Variants in MYO1C observed in about 807,000 individuals in gnomAD.
MYO1C encodes myosin IC.
A neutral mutation model predicts 150.8 loss-of-function variants in MYO1C; 104 were observed. The observed-to-expected ratio is 0.69, with a 90% CI of 0.59 to 0.81. MYO1C has a LOEUF of 0.81. Ranked by LOEUF, MYO1C falls within the 30% of genes least tolerant of loss-of-function variation. MYO1C has a pLI of 0.00. For synonymous variants in MYO1C, 663 were observed against 579.9 expected (o/e 1.14, Z -2.06); for missense variants, 1,504 against 1,435.0 (o/e 1.05, Z -0.78).
intron 3 of MYO1C, 140 bp downstream of exon 3, chr17:1,483,470 A>G: frequency 1.5e-6 from 1 of 669,654 alleles, no homozygotes; most frequent in Non-Finnish European, 2.6e-6. Context: ...ATCTCTGGTC[A>G]CTGGGGGGCA....
At chr17:1,481,089 GACCTGGCTGCTCC>G in intron 5 of MYO1C, 3 of 597,904 alleles carry the variant, frequency 5.0e-6, no homozygotes, top group Non-Finnish European at 8.9e-6. Flanking sequence ...CAACTCCAAC[GACCTGGCTGCTCC>G]ACCTGGATGC....
chr17:1,474,393 A>C (rs1031864229), intron 17 of MYO1C, among the ~76,000 whole-genome samples: 2 of 145,246 alleles, frequency 1.4e-5, no homozygotes, highest in East Asian at 2.0e-4. Flanking sequence ...GCGCCACTGC[A>C]CTCCAGCCTG....
At chr17:1,491,478 G>C in intron 1 of MYO1C, 1 of 310,964 alleles carries the variant, frequency 3.2e-6, no homozygotes, top group Non-Finnish European at 4.6e-6. Context: ...CCACGCGGCC[G>C]TTCTTCGGCC....
In MYO1C at chr17:1,478,121, G is replaced by A. The variant is rs763269405; in HGVS notation, c.1367C>T (p.Ser456Leu). Reference protein sequence around the residue: ...QQLFIELTLKSEQEEYEAEGI... With the variant: ...QQLFIELTLKLEQEEYEAEGI... ...CTCTGCCTCGTACTCCTCCTGCTCC[G>A]ACTTGAGCGTGAGCTCGATGAAGAG... Residue 456 changes from serine (S) to leucine (L), a missense_variant, in exon 12 of 32, where the codon TCG becomes TTG. Coordinates refer to ENST00000648651, the MANE Select transcript of MYO1C (RefSeq NM_001080779.2). The surrounding 1 kb of genome is among the most constrained non-coding windows in gnomAD (Gnocchi z 6.3). The A allele has an allele frequency of 1.7e-5, 28 of 1,614,080 alleles. No individual in the cohort carries two copies. The highest frequency in any genetic ancestry group is 6.7e-5 in the Admixed American group (4 of 60,034).
chr17:1,479,796 T>C lies in MYO1C; in HGVS notation c.907-91A>G. The C allele has an allele frequency of 1.1e-6, 1 of 876,066 alleles. No individual in the cohort carries two copies. Among genetic ancestry groups the C allele is most frequent in the African/African-American group, 1.7e-5 (1 of 60,268 alleles). The allele number at this position is 876,066 out of a possible 1,614,324, so 54.3% of individuals were successfully genotyped here. ...CAGATGGCCATGCAGGGGTGGGTGG[T>C]GAAGTGTCGGAGAGAAGGGGCTGGA... is the stretch of plus-strand genomic sequence containing the variant. On this transcript the variant is annotated intron_variant, in intron 7 of 31. Coordinates refer to ENST00000648651, the MANE Select transcript of MYO1C (RefSeq NM_001080779.2). The surrounding 1 kb of genome is among the most constrained non-coding windows in gnomAD (Gnocchi z 4.2).
At chr17:1,485,713 C>G (rs538122391) in intron 1 of MYO1C, 1 of 1,181,734 alleles carries the variant, frequency 8.5e-7, no homozygotes, top group African/African-American at 1.6e-5. Context: ...GTAGCGCATC[C>G]TGCCCGGCCG....
intron 17 of MYO1C, among the ~76,000 whole-genome samples, chr17:1,473,854 C>G (rs1259083671): frequency 3.3e-5 from 5 of 152,158 alleles, no homozygotes. Flanking sequence ...CCCCTCACCC[C>G]TTCCGCCCCG....
chr17:1,465,572 CT>C lies in MYO1C; in HGVS notation c.*153del, dbSNP rs1465812004. 1.2e-6 allele frequency: 1 copy of C among 855,222 alleles called. No individual in the cohort carries two copies. The highest frequency in any genetic ancestry group is 1.7e-5 in the African/African-American group (1 of 57,422). The allele number at this position is 855,222 out of a possible 1,614,324, so 53.0% of individuals were successfully genotyped here. ...GGTAGCTCCTGGCCCCTGCTGCTCC[CT>C]CAAGAGAGGGATGGGCAGGAGGTGG... On this transcript the variant is annotated 3_prime_UTR_variant, in exon 32 of 32. Coordinates refer to ENST00000648651, the MANE Select transcript of MYO1C (RefSeq NM_001080779.2).
chr17:1,483,670 T>C lies in MYO1C; in HGVS notation c.287A>G (p.Tyr96Cys), dbSNP rs1297902926. ...GTAACGCTCCATATGCTGCCGGCTG[T>C]AGATCTGCAGGTCCCGGTAGGGATT... ...SVNPYRDLQI[Y>C]SRQHMERYRG... The change falls in exon 3 of 32, where the codon TAC becomes TGC. Residue 96 changes from tyrosine to cysteine, a missense_variant. Tyr to Cys is a radical substitution (Grantham distance 194). Transcript: ENST00000648651. 6.2e-7 allele frequency: 1 copy of C among 1,613,294 alleles called. No individual in the cohort carries two copies. Among genetic ancestry groups the C allele is most frequent in the East Asian group, 2.2e-5 (1 of 44,858 alleles).
intron 14 of MYO1C, among the ~76,000 whole-genome samples, chr17:1,475,491 G>T (rs1038078520): frequency 7.2e-5 from 11 of 152,208 alleles, no homozygotes; most frequent in Non-Finnish European, 1.6e-4. Context: ...GCTCAGAGAG[G>T]TAGATGGCCT....
intron 19 of MYO1C, 137 bp from the exon 20 acceptor site, chr17:1,471,473 C>T (rs983839087): frequency 9.5e-6 from 7 of 733,858 alleles, no homozygotes; most frequent in African/African-American, 1.7e-5. Flanking sequence ...CGGTCACTGC[C>T]CCCATTTTAA....
intron 1 of MYO1C, among the ~76,000 whole-genome samples, 161 bp downstream of exon 1, chr17:1,492,252 C>T (rs1207745834): frequency 6.6e-6 from 1 of 152,256 alleles, no homozygotes; most frequent in Non-Finnish European, 1.5e-5. Flanking sequence ...TGCATCCTTA[C>T]TCTTCCACTC....
intron 1 of MYO1C, among the ~76,000 whole-genome samples, chr17:1,489,276 C>T (rs991815122): frequency 2.6e-5 from 4 of 152,250 alleles, no homozygotes; most frequent in African/African-American, 9.6e-5. Context: ...CTTAGGGTCT[C>T]TACCCTGATT....
chr17:1,467,047 C>T (rs1369081766), intron 31 of MYO1C, among the ~76,000 whole-genome samples, 195 bp downstream of exon 31: 3 of 152,224 alleles, frequency 2.0e-5, no homozygotes, highest in African/African-American at 7.2e-5. Flanking sequence ...CATGAGCCAC[C>T]GTGCTGCCAC....
intron 25 of MYO1C, 81 bp from the exon 26 acceptor site, chr17:1,468,577 G>T: frequency 8.6e-7 from 1 of 1,166,854 alleles, no homozygotes; most frequent in Non-Finnish European, 1.3e-6. Context: ...TAGGACCTGA[G>T]ACAGCCTCCC....
Position 1,482,539 on chromosome 17 carries a change from G to C in MYO1C, c.566C>G (p.Thr189Ser). The change falls in exon 5 of 32, where the codon ACC (threonine) becomes AGC (serine). Residue 189 changes from threonine (T) to serine (S), a missense_variant. Thr to Ser is a moderately conservative substitution (Grantham distance 58, BLOSUM62 1). Coordinates refer to ENST00000648651, the MANE Select transcript of MYO1C (RefSeq NM_001080779.2). ...CCTGCTGGAGTTATCGTTCCGGAGG[G>C]TCTTGGCATTTCCAAAGGCCTAGGA... ...PVLEAFGNAKTLRNDNSSRFG... is the reference protein window; with the variant it reads ...PVLEAFGNAKSLRNDNSSRFG... 6.2e-7 allele frequency: 1 copy of C among 1,614,008 alleles called. No individual in the cohort carries two copies. The highest frequency in any genetic ancestry group is 8.5e-7 in the Non-Finnish European group (1 of 1,179,960).
chr17:1,483,431 C>T (rs1456023676), intron 3 of MYO1C, among the ~76,000 whole-genome samples, 179 bp downstream of exon 3: 1 of 152,058 alleles, frequency 6.6e-6, no homozygotes, highest in African/African-American at 2.4e-5. Flanking sequence ...GACTGAGTCC[C>T]ACCCACATGG....
intron 19 of MYO1C, 93 bp from the exon 20 acceptor site, chr17:1,471,429 C>T (rs2074300934): frequency 3.0e-6 from 3 of 1,000,746 alleles, no homozygotes; most frequent in Non-Finnish European, 4.6e-6. Flanking sequence ...TGGGTGCTCC[C>T]ACTGACTCGT....
chr17:1,480,714 G>A lies in MYO1C; in HGVS notation c.799C>T (p.Leu267=), dbSNP rs1411844863. The A allele has an allele frequency of 1.2e-6, 2 of 1,614,188 alleles. No individual in the cohort carries two copies. Among genetic ancestry groups the A allele is most frequent in the Non-Finnish European group, 1.7e-6 (2 of 1,180,024 alleles). The change falls in exon 6 of 32, where the codon CTG becomes TTG. Residue 267 remains leucine (L), a synonymous_variant. Coordinates refer to ENST00000648651, the MANE Select transcript of MYO1C (RefSeq NM_001080779.2). Reference sequence around the variant, plus strand: ...CCCTGCCAGCCACTCACCTTCACCAGGTACAGGTAGCTCTGGGGGTTCCGT... The same window carrying A: ...CCCTGCCAGCCACTCACCTTCACCAAGTACAGGTAGCTCTGGGGGTTCCGT... ...LERNPQSYLY[L]VKGQCAKVSS...
Sources: allele counts gnomAD v4.1 joint callset (sites outside exome capture counted in the v4.1 genomes callset), GRCh38; gene constraint gnomAD v4.1.1; non-coding constraint Gnocchi (gnomAD v3.1); transcripts MANE v1.5; gene names NCBI Gene and HGNC (gene_info 2026-07-23, HGNC 2026-07-21).